The following EFCAB13 variants were observed in gnomAD, a reference collection of about 807,000 sequenced individuals.
The protein encoded by EFCAB13 is EF-hand calcium-binding domain-containing protein 13.
In EFCAB13, 91 loss-of-function variants were observed where a neutral mutation model predicts 110.2. The ratio of observed to expected loss-of-function variants is 0.83; its 90% CI spans 0.70 to 0.98. The LOEUF (loss-of-function observed/expected upper bound fraction) is 0.98. Ranked by LOEUF, EFCAB13 falls within the 50% of genes least tolerant of loss-of-function variation. The probability of loss-of-function intolerance (pLI) is 0.00; values close to 1 mark genes in which losing one functional copy is unlikely to be tolerated. For missense variants in EFCAB13, 968 were observed against 1,119.4 expected (o/e 0.86, Z 1.93); for synonymous variants, 323 against 369.9 (o/e 0.87, Z 1.45).
chr17:47,344,022 A>G lies in EFCAB13; in HGVS notation c.304-140A>G, dbSNP rs531507768. 8.4e-6 allele frequency: 8 copies of G among 957,180 alleles called. No individual in the cohort carries two copies. The South Asian group carries it at 1.2e-4, about 14-fold the overall frequency. 59.3% of individuals were successfully genotyped at this position (957,180 alleles called of 1,614,324 possible). A position where few individuals can be genotyped will look rare whatever the true frequency, so the allele number is the denominator to read the frequency against. ...TTATATTAAATGTAATTTAATTACAAAAGGCAATTTTACACCAGAAGCATA... is the reference window on the plus strand; with the variant it reads ...TTATATTAAATGTAATTTAATTACAGAAGGCAATTTTACACCAGAAGCATA... On this transcript the variant is annotated intron_variant, in intron 6 of 24. Coordinates refer to ENST00000331493, the MANE Select transcript of EFCAB13 (RefSeq NM_152347.5).
intron 10 of EFCAB13, among the ~76,000 whole-genome samples, chr17:47,361,934 C>G (rs1567787869): frequency 6.6e-6 from 1 of 152,116 alleles, no homozygotes; most frequent in Non-Finnish European, 1.5e-5. Context: ...TTCAGTTGCT[C>G]TCTGCACAAT....
rs112705657 is a variant in EFCAB13 at position 47,364,459 on chromosome 17, C to T, written c.805+2938C>T. Among the ~76,000 whole-genome samples the T allele has an allele frequency of 8.6e-3, 1,312 of 152,086 alleles. 13 individuals are homozygous for T. The highest frequency in any genetic ancestry group is 0.027 in the African/African-American group (1,118 of 41,472). ...CTCCGAGTAGCTGGGATTACAGGCA[C>T]GTGCCACCAAGCCCAGCTAATTTTT... On this transcript the variant is annotated intron_variant, in intron 10 of 24. Coordinates refer to ENST00000331493, the MANE Select transcript of EFCAB13 (RefSeq NM_152347.5).
At chr17:47,339,994 A>T (rs2065374762) in intron 5 of EFCAB13, 1 of 152,204 alleles carries the variant, frequency 6.6e-6, no homozygotes, top group Admixed American at 6.5e-5. Flanking sequence ...TCAAGAGCCT[A>T]CTGGAAGAGT....
chr17:47,420,524 T>C (rs1181687746), intron 23 of EFCAB13, among the ~76,000 whole-genome samples: 45 of 135,726 alleles, frequency 3.3e-4, no homozygotes, highest in South Asian at 7.5e-4. Flanking sequence ...CCGGCCGCCA[T>C]CCCATCTAGG....
At chr17:47,330,410 C>T (rs1164202097) in intron 4 of EFCAB13, among the ~76,000 whole-genome samples, 1 of 151,860 alleles carries the variant, frequency 6.6e-6, no homozygotes, top group East Asian at 1.9e-4. Flanking sequence ...TACCTGTTAC[C>T]TGAATAGTAT....
Position 47,374,349 on chromosome 17 carries a change from GT to G in EFCAB13, c.878-119del, listed in dbSNP as rs1426862260. On this transcript the variant is annotated intron_variant, in intron 11 of 24. Coordinates refer to ENST00000331493, the MANE Select transcript of EFCAB13 (RefSeq NM_152347.5). ...GTCAGTTCTTTAATTTTTTTGGTTT[GT>G]TTTATATGTTTAAGAAACTGATAAT... is the stretch of plus-strand genomic sequence containing the variant. 1.9e-5 allele frequency: 17 copies of G among 893,172 alleles called. No individual in the cohort carries two copies. In the Middle Eastern group the frequency reaches 1.2e-3, roughly 61 times the overall value. 55.3% of individuals were successfully genotyped at this position (893,172 alleles called of 1,614,324 possible). A position where few individuals can be genotyped will look rare whatever the true frequency, so the allele number is the denominator to read the frequency against.
chr17:47,349,221 C>G (rs2065434691), intron 9 of EFCAB13, among the ~76,000 whole-genome samples: 1 of 152,152 alleles, frequency 6.6e-6, no homozygotes, highest in African/African-American at 2.4e-5. Flanking sequence ...AAGTATTCCT[C>G]TATAGGCTAT....
At chr17:47,404,748 T>G (rs2065796911) in intron 20 of EFCAB13, 115 bp downstream of exon 20, 4 of 615,592 alleles carry the variant, frequency 6.5e-6, no homozygotes, top group Non-Finnish European at 1.0e-5. Flanking sequence ...CTGTGCCAAA[T>G]GTTTGCTTCA....
chr17:47,403,801 A>C, intron 18 of EFCAB13, 77 bp from the exon 19 acceptor site: 1 of 1,356,732 alleles, frequency 7.4e-7, no homozygotes, highest in Non-Finnish European at 1.0e-6. Context: ...TACAATAATA[A>C]ACTATGGATT....
intron 23 of EFCAB13, among the ~76,000 whole-genome samples, chr17:47,417,662 G>A (rs1433083328): frequency 1.3e-5 from 2 of 152,112 alleles, no homozygotes; most frequent in Non-Finnish European, 2.9e-5. Flanking sequence ...GTCATATCTT[G>A]AAACCTTTCA....
rs559459151 is a variant in EFCAB13, at chr17:47,379,109, T to A, written c.1511-73T>A. ...GGATCAAGTAAATTTTAAAAATAGT[T>A]GTGTTAAAATGTAAATTTGCCTTTA... On this transcript the variant is annotated intron_variant, in intron 13 of 24. Coordinates refer to ENST00000331493, the MANE Select transcript of EFCAB13 (RefSeq NM_152347.5). 12 of 1,064,722 alleles carry A rather than the reference T, an allele frequency of 1.1e-5. No individual in the cohort carries two copies. In the African/African-American group the frequency reaches 1.4e-4, roughly 12 times the overall value. 66.0% of individuals were successfully genotyped at this position (1,064,722 alleles called of 1,614,324 possible). A position where few individuals can be genotyped will look rare whatever the true frequency, so the allele number is the denominator to read the frequency against.
chr17:47,347,266 A>T (rs768284760), intron 8 of EFCAB13, among the ~76,000 whole-genome samples: 11 of 152,170 alleles, frequency 7.2e-5, no homozygotes, highest in Admixed American at 3.3e-4. Flanking sequence ...AGCAACAGAG[A>T]AACTCTGGCT....
In EFCAB13 at chr17:47,431,273, T is replaced by C. The variant is rs1178580958; in HGVS notation, c.2638+1312T>C. ...ATCTCCTTCCGCCTATATCCTAACA[T>C]CTATTTTTTCTTTGTTTTTTTTTAA... is the stretch of plus-strand genomic sequence containing the variant. On this transcript the variant is annotated intron_variant, in intron 24 of 24. Transcript: ENST00000331493. This position sits in a 1 kb window ranked among gnomAD's most constrained non-coding sequence, Gnocchi z 4.1. Among the ~76,000 whole-genome samples, 1 of 152,042 alleles carries C rather than the reference T, an allele frequency of 6.6e-6. No homozygotes were observed. The highest frequency in any genetic ancestry group is 1.5e-5 in the Non-Finnish European group (1 of 67,972).
rs1341741358 is a variant in EFCAB13 at position 47,404,564 on chromosome 17, G to T, written c.2164G>T (p.Asp722Tyr). 1 of 1,611,256 alleles carries T rather than the reference G, an allele frequency of 6.2e-7. No homozygotes were observed. Among genetic ancestry groups the T allele is most frequent in the Non-Finnish European group, 8.5e-7 (1 of 1,178,696 alleles). ...TCATCTCTCTCTTTTCCTTGCAGAA[G>T]ATAACATGGTGAACATTAAAGACTG... ...KILQSDFVSEDNMVNIKDCMR... is the reference protein window; with the variant it reads ...KILQSDFVSEYNMVNIKDCMR... The change falls in exon 20 of 25, where the codon GAT (aspartate) becomes TAT (tyrosine). Residue 722 changes from aspartate to tyrosine, a missense_variant and splice_region_variant. By Grantham distance (160) the Asp-to-Tyr change is radical. Coordinates refer to ENST00000331493, the MANE Select transcript of EFCAB13 (RefSeq NM_152347.5).
intron 11 of EFCAB13, among the ~76,000 whole-genome samples, chr17:47,370,748 T>G (rs1221234170): frequency 3.3e-5 from 5 of 149,336 alleles, no homozygotes; most frequent in East Asian, 1.9e-4. Flanking sequence ...GTTTTTTTTT[T>G]TTTTTTTTTT....
intron 17 of EFCAB13, among the ~76,000 whole-genome samples, chr17:47,398,592 C>A (rs1243734245): frequency 1.3e-5 from 2 of 151,812 alleles, no homozygotes; most frequent in Non-Finnish European, 2.9e-5. Flanking sequence ...TGTGTCCACT[C>A]AGGGTTAAAT....
chr17:47,342,083 C>A (rs771351817), intron 6 of EFCAB13, 51 bp downstream of exon 6: 2 of 1,059,382 alleles, frequency 1.9e-6, no homozygotes, highest in Non-Finnish European at 2.8e-6. Flanking sequence ...TTTTCCTTAG[C>A]CCTCAAACAT....
At chr17:47,348,522 T>G (rs554138376) in intron 9 of EFCAB13, among the ~76,000 whole-genome samples, 203 of 152,230 alleles carry the variant, frequency 1.3e-3, no homozygotes, top group Non-Finnish European at 2.4e-3. Flanking sequence ...TAATCTTTTG[T>G]TTTTTTCCCT....
At chr17:47,351,304 T>TGTGTGTGTGCGC (rs1280645583) in intron 9 of EFCAB13, among the ~76,000 whole-genome samples, 2 of 123,102 alleles carry the variant, frequency 1.6e-5, no homozygotes, top group South Asian at 2.9e-4. Context: ...TGTGTGTGTG[T>TGTGTGTGTGCGC]GCGCGCGCGC....
Sources: gnomAD v4.1 joint callset for allele counts (sites outside exome capture counted in the v4.1 genomes callset) on GRCh38, gnomAD v4.1.1 for gene constraint, Gnocchi (gnomAD v3.1) non-coding constraint, MANE v1.5 for transcripts, NCBI Gene and HGNC (gene_info 2026-07-23, HGNC 2026-07-21) for gene names.